The following KCNIP1 variants were observed in gnomAD, a reference collection of about 807,000 sequenced individuals.
KCNIP1 encodes the protein potassium voltage-gated channel interacting protein 1.
Under a neutral mutation model 33.0 loss-of-function variants are expected in KCNIP1, and 18 were observed. That is an observed-to-expected ratio of 0.55 (90% CI 0.38 to 0.81). The LOEUF (loss-of-function observed/expected upper bound fraction) is 0.81. Ranked by LOEUF, KCNIP1 falls within the 30% of genes least tolerant of loss-of-function variation. The probability of loss-of-function intolerance (pLI) is 0.00; values close to 1 mark genes in which losing one functional copy is unlikely to be tolerated. For synonymous variants in KCNIP1, 93 were observed against 98.3 expected, an observed-to-expected ratio of 0.95 and a Z score of 0.32; for missense variants, 238 against 271.6, an observed-to-expected ratio of 0.88 and a Z score of 0.87.
intron 1 of KCNIP1, among the ~76,000 whole-genome samples, chr5:170,356,291 C>T (rs566066850): frequency 2.6e-5 from 4 of 152,160 alleles, no homozygotes; most frequent in Admixed American, 6.5e-5. Flanking sequence ...TTCTTTGTCC[C>T]TTGCAGAACT....
chr5:170,414,853 C>A (rs1367604497), intron 1 of KCNIP1, among the ~76,000 whole-genome samples: 1 of 152,148 alleles, frequency 6.6e-6, no homozygotes, highest in Non-Finnish European at 1.5e-5. Context: ...CTGAATCTAC[C>A]TGGGCTTTTC....
chr5:170,428,851 G>GGT (rs1268306631), intron 1 of KCNIP1, among the ~76,000 whole-genome samples: 1 of 152,084 alleles, frequency 6.6e-6, no homozygotes, highest in Non-Finnish European at 1.5e-5. Context: ...AGGTATCTGG[G>GGT]GTTTGACAGT....
intron 7 of KCNIP1, among the ~76,000 whole-genome samples, chr5:170,735,536 C>T (rs1764357188): frequency 6.6e-6 from 1 of 152,176 alleles, no homozygotes; most frequent in Admixed American, 6.5e-5. Flanking sequence ...CACTATTTTA[C>T]TAGATGATTT....
Position 170,393,188 on chromosome 5 carries a change from A to C in KCNIP1, c.88+39224A>C, listed in dbSNP as rs1308405943. Among the ~76,000 whole-genome samples, 4 of 152,182 alleles carry C rather than the reference A, an allele frequency of 2.6e-5. No homozygotes were observed. In the East Asian group the frequency reaches 7.7e-4, roughly 29 times the overall value. Reference sequence around the variant, plus strand: ...GACTCCCTTGGGAGCAGTTTTCAAGAGACCCCAGGTTTCTTCATGATGTCT... The same window carrying C: ...GACTCCCTTGGGAGCAGTTTTCAAGCGACCCCAGGTTTCTTCATGATGTCT... On this transcript the variant is annotated intron_variant, in intron 1 of 7. Transcript: ENST00000377360.
At position 170,609,006 on chromosome 5, in the gene KCNIP1, A is replaced by G. The variant is rs893388013; in HGVS notation, c.61+104373A>G. ...CCACGTTCCCTTTCATCACTCTCCA[A>G]CAGGGAGATGTCTGTCTCCCCTCAG... On this transcript the variant is annotated intron_variant, in intron 1 of 7. Transcript: ENST00000328939. Among the ~76,000 whole-genome samples the G allele has an allele frequency of 6.6e-5, 10 of 152,232 alleles. No homozygotes were observed. In the East Asian group the frequency reaches 1.7e-3, roughly 27 times the overall value.
intron 1 of KCNIP1, among the ~76,000 whole-genome samples, chr5:170,589,029 C>A (rs923486581): frequency 2.2e-5 from 3 of 134,844 alleles, no homozygotes; most frequent in African/African-American, 5.6e-5. Flanking sequence ...GACAGAGTCT[C>A]GCTCTGTAGC....
chr5:170,722,135 C>T (rs554143762), intron 4 of KCNIP1, among the ~76,000 whole-genome samples: 168 of 152,268 alleles, frequency 1.1e-3, no homozygotes, highest in South Asian at 8.5e-3. Context: ...TATGAGCTTC[C>T]GGGCACACTG....
intron 1 of KCNIP1, among the ~76,000 whole-genome samples, chr5:170,676,443 T>C (rs912425489): frequency 2.0e-5 from 3 of 152,220 alleles, no homozygotes; most frequent in African/African-American, 7.2e-5. Context: ...AAATAATTGC[T>C]TTCTGATAGA....
intron 1 of KCNIP1, among the ~76,000 whole-genome samples, chr5:170,521,875 C>A (rs1362932521): frequency 6.6e-6 from 1 of 152,208 alleles, no homozygotes; most frequent in Non-Finnish European, 1.5e-5. Context: ...TCTTGATGGG[C>A]CAGTAGCCTT....
intron 1 of KCNIP1, among the ~76,000 whole-genome samples, chr5:170,438,626 C>G (rs1047210958): frequency 6.6e-6 from 1 of 152,220 alleles, no homozygotes; most frequent in East Asian, 1.9e-4. Context: ...CCAGCCTCAC[C>G]ACACTCCCAT....
At chr5:170,431,552 G>A (rs138343902) in intron 1 of KCNIP1, among the ~76,000 whole-genome samples, 32 of 152,328 alleles carry the variant, frequency 2.1e-4, no homozygotes, top group Admixed American at 5.2e-4. Flanking sequence ...GGGTTCAATG[G>A]AGGAACTTAA....
chr5:170,388,731 C>T (rs79653916), intron 1 of KCNIP1, among the ~76,000 whole-genome samples: 3,834 of 152,288 alleles, frequency 0.025, 102 homozygotes, highest in East Asian at 0.1. Context: ...AATCCTGGCT[C>T]TGCCACTTAC....
At chr5:170,586,397 G>C (rs1270176932) in intron 1 of KCNIP1, among the ~76,000 whole-genome samples, 2 of 152,282 alleles carry the variant, frequency 1.3e-5, no homozygotes, top group African/African-American at 4.8e-5. Context: ...CAGAGGAGGG[G>C]GAGAAGATTA....
chr5:170,488,037 A>G (rs1479007310), intron 1 of KCNIP1, among the ~76,000 whole-genome samples: 3 of 152,168 alleles, frequency 2.0e-5, no homozygotes, highest in African/African-American at 7.2e-5. Flanking sequence ...TCCCACCTCA[A>G]ACTGAGTCAA....
intron 1 of KCNIP1, among the ~76,000 whole-genome samples, chr5:170,607,503 G>A (rs1023491283): frequency 6.6e-6 from 1 of 152,180 alleles, no homozygotes; most frequent in Non-Finnish European, 1.5e-5. Flanking sequence ...CCACTTTAGG[G>A]ATAATGTGAC....
intron 1 of KCNIP1, among the ~76,000 whole-genome samples, chr5:170,659,248 C>T (rs759998343): frequency 6.6e-6 from 1 of 152,212 alleles, no homozygotes; most frequent in Non-Finnish European, 1.5e-5. Context: ...CATCATTTTG[C>T]TTTGCTCTCT....
chr5:170,353,679 G>A (rs1763270306), exon 1 of KCNIP1: 1 of 605,688 alleles, frequency 1.7e-6, no homozygotes, highest in Admixed American at 2.9e-5. Flanking sequence ...GGGAGGGAGA[G>A]TTTGCCCTGC....
At chr5:170,469,550 G>A (rs1320908280) in intron 1 of KCNIP1, among the ~76,000 whole-genome samples, 4 of 152,130 alleles carry the variant, frequency 2.6e-5, no homozygotes, top group Non-Finnish European at 4.4e-5. Flanking sequence ...CTCAAGAGTG[G>A]ATCCTCTCAC....
intron 1 of KCNIP1, among the ~76,000 whole-genome samples, chr5:170,690,885 C>G (rs1277489400): frequency 6.6e-6 from 1 of 152,248 alleles, no homozygotes; most frequent in Non-Finnish European, 1.5e-5. Context: ...GTTTTACATA[C>G]TTAGCTTCTG....
Sources: allele counts gnomAD v4.1 joint callset (sites outside exome capture counted in the v4.1 genomes callset), GRCh38; gene constraint gnomAD v4.1.1; transcripts MANE v1.5; gene names NCBI Gene and HGNC (gene_info 2026-07-23, HGNC 2026-07-21).